The following MAG variants were observed in gnomAD, a reference collection of about 807,000 sequenced individuals.
MAG encodes the protein myelin-associated glycoprotein.
In MAG, 30 loss-of-function variants were observed where a neutral mutation model predicts 60.7. The ratio of observed to expected loss-of-function variants is 0.49; its 90% CI spans 0.37 to 0.67. The LOEUF is 0.67. MAG is among the 30% of genes least tolerant of loss of function. The pLI is 0.00. For synonymous variants in MAG, 384 were observed against 376.8 expected (o/e 1.02, Z -0.22); for missense variants, 795 against 851.7 (o/e 0.93, Z 0.83).
chr19:35,294,047 C>T (rs1018203767), intron 1 of MAG, among the ~76,000 whole-genome samples, 188 bp from the exon 2 acceptor site: 7 of 152,114 alleles, frequency 4.6e-5, no homozygotes, highest in African/African-American at 1.7e-4. Context: ...TCTCTGACAC[C>T]CCAGCTTGGA....
intron 10 of MAG, chr19:35,312,600 G>C (rs2066536876): frequency 3.5e-6 from 2 of 575,746 alleles, no homozygotes; most frequent in South Asian, 4.3e-5. Context: ...CTCCCAGATT[G>C]AGGGCGGACC....
chr19:35,310,066 C>A lies in MAG; in HGVS notation c.1424C>A (p.Thr475Lys). Residue 475 changes from threonine (T) to lysine (K), a missense_variant, in exon 8 of 11, where the codon ACG becomes AAG. Coordinates refer to ENST00000392213, the MANE Select transcript of MAG (RefSeq NM_002361.4). ...GGCCTCGTGCTCACCAGCATCCTCA[C>A]GCTGCGGGGGCAGGCCCAGGCCCCG... ...RSGLVLTSIL[T>K]LRGQAQAPPR... 6.2e-7 allele frequency: 1 copy of A among 1,613,576 alleles called. No homozygotes were observed. The highest frequency in any genetic ancestry group is 8.5e-7 in the Non-Finnish European group (1 of 1,179,902).
rs748666803 is a variant in MAG at position 35,295,435 on chromosome 19, G to C, written c.27G>C (p.Leu9=). ...TGATATTCCTCACGGCACTGCCTCT[G>C]TTCTGGATTATGATTTCAGGTAACG... MIFLTALP[L]FWIMISASRG... Residue 9 remains leucine, a synonymous_variant, in exon 3 of 11, where the codon CTG becomes CTC. Coordinates refer to ENST00000392213, the MANE Select transcript of MAG (RefSeq NM_002361.4). The surrounding 1 kb of genome is among the most constrained non-coding windows in gnomAD (Gnocchi z 5.8). The C allele has an allele frequency of 1.2e-6, 2 of 1,614,038 alleles. No individual in the cohort carries two copies. Among genetic ancestry groups the C allele is most frequent in the Admixed American group, 1.7e-5 (1 of 59,996 alleles).
At chr19:35,302,843 G>A (rs1042062490) in intron 7 of MAG, 135 bp downstream of exon 7, 3 of 1,069,592 alleles carry the variant, frequency 2.8e-6, no homozygotes, top group Admixed American at 2.6e-5. Flanking sequence ...GGAGGGCAGG[G>A]AAGCTGAATT....
chr19:35,305,874 G>C (rs2066479740), intron 7 of MAG, among the ~76,000 whole-genome samples: 1 of 152,214 alleles, frequency 6.6e-6, no homozygotes, highest in African/African-American at 2.4e-5. Context: ...AGAATCGCTT[G>C]AGCCCGGGGG....
chr19:35,312,533 AG>A (rs1568477746), intron 10 of MAG: 2 of 275,310 alleles, frequency 7.3e-6, no homozygotes, highest in Non-Finnish European at 1.4e-5. Context: ...TCCTGTGGCT[AG>A]GGGGTGGAGG....
intron 7 of MAG, among the ~76,000 whole-genome samples, chr19:35,303,996 C>T (rs2066466645): frequency 6.6e-6 from 1 of 152,202 alleles, no homozygotes; most frequent in Non-Finnish European, 1.5e-5. Context: ...ATGGCCCCCA[C>T]CACACAAGTT....
At chr19:35,313,266 C>T in intron 10 of MAG, 24 bp from the exon 11 acceptor site, 1 of 1,607,082 alleles carries the variant, frequency 6.2e-7, no homozygotes, top group Non-Finnish European at 8.5e-7. Flanking sequence ...CAGGACCCTG[C>T]TAATGGGCGG....
At position 35,295,876 on chromosome 19, in the gene MAG, C is replaced by T; in HGVS notation, c.310C>T (p.Leu104Phe). Residue 104 changes from leucine (L) to phenylalanine (F), a missense_variant, in exon 4 of 11, where the codon CTC (leucine) becomes TTC (phenylalanine). Physicochemically the swap from Leu to Phe is conservative, Grantham distance 22. Transcript: ENST00000392213. The surrounding 1 kb of genome is among the most constrained non-coding windows in gnomAD (Gnocchi z 5.8). ...GGGCCTGCGAAACTGCACCCTCCTG[C>T]TCAGCAACGTCAGCCCCGAGCTGGG... ...DLGLRNCTLL[L>F]SNVSPELGGK... 1 of 1,614,080 alleles carries T rather than the reference C, an allele frequency of 6.2e-7. No homozygotes were observed. The highest frequency in any genetic ancestry group is 2.2e-5 in the East Asian group (1 of 44,892).
chr19:35,312,354 C>T, intron 10 of MAG: 2 of 1,598,424 alleles, frequency 1.3e-6, no homozygotes, highest in Non-Finnish European at 1.7e-6. Flanking sequence ...AGTGTGCCCT[C>T]CTCTGGGCCC....
Position 35,295,567 on chromosome 19 carries a change from C to T in MAG, c.47-46C>T, listed in dbSNP as rs200578769. ...GGGGATGGGAGCCGGAGGGGGTGAT[C>T]GGGTAGGACGTGTCCCTGAGCCTCA... On this transcript the variant is annotated intron_variant, in intron 3 of 10. Transcript: ENST00000392213. The surrounding 1 kb of genome is among the most constrained non-coding windows in gnomAD (Gnocchi z 5.8). 10 of 1,590,912 alleles carry T rather than the reference C, an allele frequency of 6.3e-6. No homozygotes were observed. The highest frequency in any genetic ancestry group is 3.4e-5 in the South Asian group (3 of 87,528).
rs751745828 is a variant in MAG, at chr19:35,309,993, G to A, written c.1351G>A (p.Val451Met). ...GGCCTTTGAGCTGCCATCGCGCAATGTGACCGTGAACGAGAGCGAGCGGGA... is the reference window on the plus strand; with the variant it reads ...GGCCTTTGAGCTGCCATCGCGCAATATGACCGTGAACGAGAGCGAGCGGGA... ...SVAFELPSRN[V>M]TVNESEREFV... Residue 451 changes from valine (V) to methionine (M), a missense_variant, in exon 8 of 11, where the codon GTG becomes ATG. Physicochemically the swap from Val to Met is conservative, Grantham distance 21 (BLOSUM62 1). Transcript: ENST00000392213. 3 of 1,614,052 alleles carry A rather than the reference G, an allele frequency of 1.9e-6. No homozygotes were observed. Among genetic ancestry groups the A allele is most frequent in the South Asian group, 2.2e-5 (2 of 91,088 alleles).
chr19:35,299,874 G>C, intron 5 of MAG, 24 bp downstream of exon 5: 1 of 929,330 alleles, frequency 1.1e-6, no homozygotes, highest in East Asian at 3.2e-5. Flanking sequence ...CGGGCGGGGC[G>C]GGGTGGGGCG....
intron 2 of MAG, among the ~76,000 whole-genome samples, chr19:35,294,649 C>T (rs1224509091): frequency 1.3e-5 from 2 of 152,224 alleles, no homozygotes; most frequent in Non-Finnish European, 2.9e-5. Flanking sequence ...GGTGAGGTGG[C>T]TCATGCCTGT....
At position 35,310,121 on chromosome 19, in the gene MAG, C is replaced by A; in HGVS notation, c.1479C>A (p.Leu493=). 1 of 1,611,152 alleles carries A rather than the reference C, an allele frequency of 6.2e-7. No individual in the cohort carries two copies. Among genetic ancestry groups the A allele is most frequent in the Middle Eastern group, 1.7e-4 (1 of 6,052 alleles). ...GCGTCATCTGCACCGCGAGGAACCT[C>A]TATGGCGCCAAGAGCCTGGAGCTGC... ...PPRVICTARN[L]YGAKSLELPF... Residue 493 remains leucine (L), a synonymous_variant, in exon 8 of 11, where the codon CTC becomes CTA. Coordinates refer to ENST00000392213, the MANE Select transcript of MAG (RefSeq NM_002361.4).
At chr19:35,297,371 T>TACGCTACACAC (rs2066407340) in intron 4 of MAG, among the ~76,000 whole-genome samples, 1 of 84,330 alleles carries the variant, frequency 1.2e-5, no homozygotes, top group Admixed American at 1.2e-4. Context: ...ACACACTGCA[T>TACGCTACACAC]ACGCTACACA....
chr19:35,311,262 A>T (rs2066524775), intron 9 of MAG, among the ~76,000 whole-genome samples: 1 of 152,100 alleles, frequency 6.6e-6, no homozygotes, highest in African/African-American at 2.4e-5. Flanking sequence ...GAGCTCAGGA[A>T]TTAGAGGCCA....
Position 35,310,048 on chromosome 19 carries a change from T to G in MAG, c.1406T>G (p.Val469Gly). ...EFVYSERSGLVLTSILTLRGQ... is the reference protein window; with the variant it reads ...EFVYSERSGLGLTSILTLRGQ... ...GTGTACTCGGAGCGCAGCGGCCTCG[T>G]GCTCACCAGCATCCTCACGCTGCGG... Residue 469 changes from valine to glycine, a missense_variant, in exon 8 of 11, where the codon GTG (valine) becomes GGG (glycine). Transcript: ENST00000392213. 6.2e-7 allele frequency: 1 copy of G among 1,613,802 alleles called. No individual in the cohort carries two copies. Among genetic ancestry groups the G allele is most frequent in the South Asian group, 1.1e-5 (1 of 91,084 alleles).
intron 7 of MAG, among the ~76,000 whole-genome samples, chr19:35,306,862 C>T (rs890678470): frequency 6.6e-6 from 1 of 152,260 alleles, no homozygotes; most frequent in Admixed American, 6.5e-5. Context: ...GCCCAGGAGC[C>T]TGAGTGGCCT....
Sources: allele counts gnomAD v4.1 joint callset (sites outside exome capture counted in the v4.1 genomes callset), GRCh38; gene constraint gnomAD v4.1.1; non-coding constraint Gnocchi (gnomAD v3.1); transcripts MANE v1.5; gene names NCBI Gene and HGNC (gene_info 2026-07-23, HGNC 2026-07-21).